The following POLR2D variants were observed in gnomAD, a reference collection of about 807,000 sequenced individuals.
POLR2D encodes the protein DNA-directed RNA polymerase II subunit RPB4.
POLR2D carries 10 observed loss-of-function variants against 17.6 expected under a neutral mutation model. The observed-to-expected ratio is 0.57, with a 90% CI of 0.35 to 0.96. The LOEUF (loss-of-function observed/expected upper bound fraction) is 0.96. Among genes scored for constraint, POLR2D ranks in the 40% least tolerant of loss-of-function variants. The pLI is 0.02. For synonymous variants in POLR2D, 52 were observed against 60.2 expected, an observed-to-expected ratio of 0.86 and a Z score of 0.63; for missense variants, 126 against 176.4, an observed-to-expected ratio of 0.71 and a Z score of 1.62.
Position 127,857,784 on chromosome 2 carries a change from T to C in POLR2D, c.73+244A>G, listed in dbSNP as rs1407102846. 4 of 1,293,082 alleles carry C rather than the reference T, an allele frequency of 3.1e-6. No individual in the cohort carries two copies. The South Asian group carries it at 8.8e-5, about 29-fold the overall frequency. 80.1% of individuals were successfully genotyped at this position (1,293,082 alleles called of 1,614,324 possible). On this transcript the variant is annotated intron_variant, in intron 1 of 3. Coordinates refer to ENST00000272645, the MANE Select transcript of POLR2D (RefSeq NM_004805.4). Reference sequence around the variant, plus strand: ...TCCTTACCACCTGAGTGTCCGGCTTTGTTTATCTTTGACACAGGTCCCCGG... The same window carrying C: ...TCCTTACCACCTGAGTGTCCGGCTTCGTTTATCTTTGACACAGGTCCCCGG...
intron 3 of POLR2D, among the ~76,000 whole-genome samples, chr2:127,848,666 G>A (rs1397358230): frequency 2.6e-5 from 4 of 152,098 alleles, no homozygotes; most frequent in African/African-American, 9.7e-5. Flanking sequence ...GCAGGTGCCC[G>A]CCACCACGCC....
intron 1 of POLR2D, chr2:127,857,044 T>C (rs1409883796): frequency 6.6e-6 from 1 of 151,984 alleles, no homozygotes; most frequent in Non-Finnish European, 1.5e-5. Flanking sequence ...TCTAAATAAG[T>C]AAATGAATGA....
chr2:127,853,767 G>C (rs1025602192), intron 1 of POLR2D, among the ~76,000 whole-genome samples: 6 of 152,042 alleles, frequency 3.9e-5, no homozygotes, highest in African/African-American at 1.4e-4. Context: ...CCCAGGCTGG[G>C]ATCTCCTTCC....
At chr2:127,854,616 G>T (rs1690300594) in intron 1 of POLR2D, among the ~76,000 whole-genome samples, 1 of 152,146 alleles carries the variant, frequency 6.6e-6, no homozygotes, top group African/African-American at 2.4e-5. Flanking sequence ...GGTGGGTCAG[G>T]AGGAAACTGT....
At position 127,847,760 on chromosome 2, in the gene POLR2D, C is replaced by T. The variant is rs1419594238; in HGVS notation, c.*347G>A. On this transcript the variant is annotated 3_prime_UTR_variant, in exon 4 of 4. Coordinates refer to ENST00000272645, the MANE Select transcript of POLR2D (RefSeq NM_004805.4). The stretch of plus-strand genomic sequence containing the variant: ...TCTAGTTTCAAAAAGTATAAACACC[C>T]TGAAATTAAAACATGAAATATTAAG... The T allele has an allele frequency of 7.4e-6, 2 of 271,450 alleles. No individual in the cohort carries two copies. The highest frequency in any genetic ancestry group is 2.3e-5 in the African/African-American group (1 of 43,530). The allele number at this position is 271,450 out of a possible 1,614,324, so 16.8% of individuals were successfully genotyped here. A position where few individuals can be genotyped will look rare whatever the true frequency, so the allele number is the denominator to read the frequency against.
intron 3 of POLR2D, among the ~76,000 whole-genome samples, chr2:127,848,764 C>A (rs892111853): frequency 1.3e-5 from 2 of 152,212 alleles, no homozygotes; most frequent in Non-Finnish European, 2.9e-5. Context: ...GATCCGCCCG[C>A]CTCAGCCTCC....
intron 2 of POLR2D, among the ~76,000 whole-genome samples, chr2:127,851,924 G>A (rs1690258639): frequency 6.6e-6 from 1 of 152,132 alleles, no homozygotes; most frequent in South Asian, 2.1e-4. Context: ...CCAAGTAGCT[G>A]GGACTACAGG....
intron 3 of POLR2D, among the ~76,000 whole-genome samples, chr2:127,850,132 C>A (rs548041355): frequency 6.6e-6 from 1 of 151,864 alleles, no homozygotes; most frequent in East Asian, 1.9e-4. Flanking sequence ...AACCATCATT[C>A]TCACACACTG....
chr2:127,851,290 G>A (rs565315019), intron 2 of POLR2D, among the ~76,000 whole-genome samples: 2 of 152,274 alleles, frequency 1.3e-5, no homozygotes, highest in South Asian at 4.1e-4. Context: ...GTGGTGGTGT[G>A]TGTCTGTAGT....
At chr2:127,849,184 A>G (rs1292445153) in intron 3 of POLR2D, among the ~76,000 whole-genome samples, 1 of 152,008 alleles carries the variant, frequency 6.6e-6, no homozygotes, top group African/African-American at 2.4e-5. Context: ...AGCCGGGACT[A>G]CAGTCGCACA....
At position 127,858,125 on chromosome 2, in the gene POLR2D, A is replaced by G; in HGVS notation, c.-25T>C. 3 of 1,426,310 alleles carry G rather than the reference A, an allele frequency of 2.1e-6. No individual in the cohort carries two copies. Among genetic ancestry groups the G allele is most frequent in the South Asian group, 1.4e-5 (1 of 69,062 alleles). 88.4% of individuals were successfully genotyped at this position (1,426,310 alleles called of 1,614,324 possible). ...TCGCCGCGCCGCGCCGCGCGCCACCACCAGCGCCGCCGGAAGCAGAAGCGC... is the reference window on the plus strand; with the variant it reads ...TCGCCGCGCCGCGCCGCGCGCCACCGCCAGCGCCGCCGGAAGCAGAAGCGC... On this transcript the variant is annotated 5_prime_UTR_variant, in exon 1 of 4. Transcript: ENST00000272645.
chr2:127,848,708 G>C (rs1346200056), intron 3 of POLR2D, among the ~76,000 whole-genome samples: 1 of 152,038 alleles, frequency 6.6e-6, no homozygotes, highest in Admixed American at 6.6e-5. Flanking sequence ...AGTAGAGACA[G>C]GGTTTCACTG....
At chr2:127,850,388 C>T (rs1255108588) in intron 3 of POLR2D, among the ~76,000 whole-genome samples, 2 of 133,762 alleles carry the variant, frequency 1.5e-5, no homozygotes, top group African/African-American at 2.9e-5. Context: ...TGTGGTGAGC[C>T]GAGATCACAC....
rs550336358 is a variant in POLR2D, at chr2:127,850,321, T to C, written c.350+269A>G. Among the ~76,000 whole-genome samples, 1,049 of 150,966 alleles carry C rather than the reference T, an allele frequency of 6.9e-3. 10 individuals carry two copies. The highest frequency in any genetic ancestry group is 0.011 in the Non-Finnish European group (780 of 67,886). On this transcript the variant is annotated intron_variant, in intron 3 of 3. Coordinates refer to ENST00000272645, the MANE Select transcript of POLR2D (RefSeq NM_004805.4). Reference sequence around the variant, plus strand: ...CAAGTGTGGTGGTGCGTGCCTGTAATCCCAGCTACTCGGGAGGCTGAGGCA... The same window carrying C: ...CAAGTGTGGTGGTGCGTGCCTGTAACCCCAGCTACTCGGGAGGCTGAGGCA...
chr2:127,853,460 A>C (rs1288615704), intron 1 of POLR2D, among the ~76,000 whole-genome samples: 1 of 152,138 alleles, frequency 6.6e-6, no homozygotes, highest in Admixed American at 6.6e-5. Flanking sequence ...CACTTATAAG[A>C]ATGTGAGGTG....
At chr2:127,854,206 T>C (rs1402460518) in intron 1 of POLR2D, among the ~76,000 whole-genome samples, 5 of 152,240 alleles carry the variant, frequency 3.3e-5, no homozygotes, top group Admixed American at 6.5e-5. Context: ...CTTTTCATAA[T>C]ATACGGCGAC....
chr2:127,850,310 C>T (rs1040223464), intron 3 of POLR2D, among the ~76,000 whole-genome samples: 1 of 151,682 alleles, frequency 6.6e-6, no homozygotes, highest in African/African-American at 2.4e-5. Context: ...TGTGGTGGTG[C>T]GTGCCTGTAA....
At chr2:127,857,954 GA>G in intron 1 of POLR2D, 73 bp downstream of exon 1, 1 of 1,537,812 alleles carries the variant, frequency 6.5e-7, no homozygotes, top group Non-Finnish European at 8.7e-7. Flanking sequence ...GGCCTTGGGC[GA>G]AGCGCGCATA....
At chr2:127,857,783 T>G in intron 1 of POLR2D, 2 of 1,289,772 alleles carry the variant, frequency 1.6e-6, no homozygotes, top group Admixed American at 4.2e-5. Flanking sequence ...GTGTCCGGCT[T>G]TGTTTATCTT....
Sources: allele counts gnomAD v4.1 joint callset (sites outside exome capture counted in the v4.1 genomes callset), GRCh38; gene constraint gnomAD v4.1.1; transcripts MANE v1.5; gene names NCBI Gene and HGNC (gene_info 2026-07-23, HGNC 2026-07-21).